AFF3: variants seen among roughly 807,000 people sequenced by gnomAD.
The protein encoded by AFF3 is AF4/FMR2 family member 3.
Under a neutral mutation model 129.7 loss-of-function variants are expected in AFF3, and 32 were observed. That is an observed-to-expected ratio of 0.25 (90% confidence interval 0.19 to 0.33). The LOEUF (loss-of-function observed/expected upper bound fraction) is 0.33. Among genes scored for constraint, AFF3 ranks in the 10% least tolerant of loss-of-function variants. The pLI, the probability that AFF3 is intolerant of heterozygous loss-of-function variation, is 1.00. For synonymous variants in AFF3, 644 were observed against 635.4 expected (o/e 1.01, Z -0.20); for missense variants, 1,373 against 1,592.0 (o/e 0.86, Z 2.34).
At chr2:99,624,635 T>C (rs1682367899) in intron 13 of AFF3, among the ~76,000 whole-genome samples, 1 of 152,138 alleles carries the variant, frequency 6.6e-6, no homozygotes, top group Non-Finnish European at 1.5e-5. Context: ...TAGAGGTCAA[T>C]AGAAAAATCT....
intron 18 of AFF3, among the ~76,000 whole-genome samples, chr2:99,569,972 C>T (rs574005490): frequency 3.3e-5 from 5 of 152,280 alleles, no homozygotes; most frequent in South Asian, 2.1e-4. Flanking sequence ...GAGGTCAAAA[C>T]GCTTAGAAAA....
chr2:99,894,959 G>A (rs569531722), intron 7 of AFF3, among the ~76,000 whole-genome samples: 4 of 152,264 alleles, frequency 2.6e-5, no homozygotes, highest in South Asian at 2.1e-4. Context: ...ATGGAACCAC[G>A]CTATGTACAG....
At chr2:99,768,138 A>G (rs1472501147) in intron 8 of AFF3, among the ~76,000 whole-genome samples, 2 of 152,190 alleles carry the variant, frequency 1.3e-5, no homozygotes, top group Non-Finnish European at 2.9e-5. Flanking sequence ...GGGACACATG[A>G]TTTCATTTTA....
chr2:99,991,674 G>A (rs1388271068), intron 7 of AFF3, among the ~76,000 whole-genome samples: 4 of 152,272 alleles, frequency 2.6e-5, no homozygotes, highest in Non-Finnish European at 5.9e-5. Context: ...AGGCAAAGGC[G>A]GGCGGATAAT....
At chr2:99,746,261 T>C (rs775684745) in intron 9 of AFF3, among the ~76,000 whole-genome samples, 3 of 152,138 alleles carry the variant, frequency 2.0e-5, no homozygotes, top group Non-Finnish European at 2.9e-5. Context: ...CCATTGAAAT[T>C]GAATGAACTT....
intron 10 of AFF3, among the ~76,000 whole-genome samples, chr2:99,739,040 G>T (rs1680496159): frequency 1.6e-5 from 2 of 123,834 alleles, no homozygotes; most frequent in African/African-American, 2.9e-5. Flanking sequence ...CAAATATTAT[G>T]GTACTTTTTG....
chr2:99,824,852 G>A (rs186822343), intron 8 of AFF3, among the ~76,000 whole-genome samples: 153 of 152,272 alleles, frequency 1.0e-3, no homozygotes, highest in Middle Eastern at 3.4e-3. Context: ...GTGGGCCCAG[G>A]AATGGAGTTC....
At chr2:99,618,738 T>C (rs1681697666) in intron 13 of AFF3, among the ~76,000 whole-genome samples, 1 of 152,320 alleles carries the variant, frequency 6.6e-6, no homozygotes. Flanking sequence ...CAGGAAGGAA[T>C]TGAAGAGATC....
chr2:99,770,103 G>A (rs929823182), intron 8 of AFF3, among the ~76,000 whole-genome samples: 5 of 152,222 alleles, frequency 3.3e-5, no homozygotes, highest in African/African-American at 1.2e-4. Flanking sequence ...TGGGTCCAGA[G>A]ATGCTGTCTA....
chr2:99,943,446 C>T (rs1437555704), intron 7 of AFF3, among the ~76,000 whole-genome samples: 1 of 152,202 alleles, frequency 6.6e-6, no homozygotes, highest in Non-Finnish European at 1.5e-5. Flanking sequence ...ACAGAATCAA[C>T]TTTAGAAGAC....
intron 10 of AFF3, among the ~76,000 whole-genome samples, chr2:99,740,028 G>A (rs1033987669): frequency 3.6e-5 from 5 of 137,740 alleles, no homozygotes; most frequent in African/African-American, 1.4e-4. Context: ...TGTTCTCATT[G>A]TTCAATTCCC....
chr2:99,700,135 T>C (rs1160219468), intron 11 of AFF3, among the ~76,000 whole-genome samples: 1 of 152,208 alleles, frequency 6.6e-6, no homozygotes, highest in Non-Finnish European at 1.5e-5. Flanking sequence ...TTTTTTTTTT[T>C]TTTGAGACGA....
intron 7 of AFF3, among the ~76,000 whole-genome samples, chr2:99,988,332 C>T (rs922986012): frequency 2.6e-5 from 4 of 152,132 alleles, no homozygotes; most frequent in African/African-American, 7.2e-5. Context: ...GAGAAATTCA[C>T]GCTAAAAGCA....
chr2:99,646,430 C>CT (rs1160512673), intron 13 of AFF3, among the ~76,000 whole-genome samples: 1 of 152,184 alleles, frequency 6.6e-6, no homozygotes, highest in East Asian at 1.9e-4. Context: ...AAAAGTGCTT[C>CT]TCCCCCAAGA....
chr2:99,977,951 A>C (rs1451464989), intron 7 of AFF3, among the ~76,000 whole-genome samples: 1 of 152,086 alleles, frequency 6.6e-6, no homozygotes, highest in Non-Finnish European at 1.5e-5. Context: ...CCATCCCAAC[A>C]CTGTCCTGCT....
At chr2:100,042,303 A>G (rs1685505088) in intron 4 of AFF3, among the ~76,000 whole-genome samples, 1 of 152,206 alleles carries the variant, frequency 6.6e-6, no homozygotes, top group African/African-American at 2.4e-5. Flanking sequence ...TTTCACCTGC[A>G]ATCACCATTA....
chr2:99,716,213 A>G (rs903455244), intron 11 of AFF3, among the ~76,000 whole-genome samples: 1 of 152,154 alleles, frequency 6.6e-6, no homozygotes, highest in Non-Finnish European at 1.5e-5. Flanking sequence ...TTTTTCTAGT[A>G]TAGGCAACAG....
At chr2:99,932,499 A>G (rs1674119047) in intron 7 of AFF3, among the ~76,000 whole-genome samples, 1 of 152,222 alleles carries the variant, frequency 6.6e-6, no homozygotes, top group African/African-American at 2.4e-5. Context: ...CACAGGGGCC[A>G]TCAGTGCAAA....
At chr2:99,811,764 C>G (rs114238287) in intron 8 of AFF3, among the ~76,000 whole-genome samples, 13 of 152,162 alleles carry the variant, frequency 8.5e-5, no homozygotes, top group Non-Finnish European at 1.9e-4. Context: ...ACCATTTGGA[C>G]GCAGAACAAC....
Sources: allele counts gnomAD v4.1 joint callset (sites outside exome capture counted in the v4.1 genomes callset), GRCh38; gene constraint gnomAD v4.1.1; transcripts MANE v1.5; gene names NCBI Gene and HGNC (gene_info 2026-07-23, HGNC 2026-07-21).